AGPAT3: variants seen among roughly 807,000 people sequenced by gnomAD.
The protein encoded by AGPAT3 is 1-acyl-sn-glycerol-3-phosphate acyltransferase gamma.
In AGPAT3, 5 loss-of-function variants were observed where a neutral mutation model predicts 47.3. That is an observed-to-expected ratio of 0.11 (90% CI 0.06 to 0.22). The LOEUF (loss-of-function observed/expected upper bound fraction) is 0.22, where lower values mean the gene tolerates loss of function less well. AGPAT3 is among the 10% of genes least tolerant of loss of function. The probability of loss-of-function intolerance (pLI) is 1.00; values close to 1 mark genes in which losing one functional copy is unlikely to be tolerated. For synonymous variants in AGPAT3, 212 were observed against 208.3 expected, an observed-to-expected ratio of 1.02 and a Z score of -0.15; for missense variants, 315 against 493.0, an observed-to-expected ratio of 0.64 and a Z score of 3.42.
intron 7 of AGPAT3, among the ~76,000 whole-genome samples, chr21:43,972,602 T>C (rs1601464988): frequency 6.6e-6 from 1 of 152,100 alleles, no homozygotes; most frequent in Non-Finnish European, 1.5e-5. Flanking sequence ...CTTGGGGCAG[T>C]GTGTCTCTTT....
chr21:43,978,590 T>TGA (rs1432409151), intron 8 of AGPAT3, among the ~76,000 whole-genome samples: 1 of 152,348 alleles, frequency 6.6e-6, no homozygotes, highest in East Asian at 1.9e-4. Context: ...ATTACAGGCA[T>TGA]GAGCCACCAC....
Position 43,922,842 on chromosome 21 carries a change from T to A in AGPAT3, c.-49+18823T>A, listed in dbSNP as rs919469971. ...GGGCTGCCATGAGGATTGGCTGCAT[T>A]TTTTCGCTGTGTGATGTGACTGGCT... On this transcript the variant is annotated intron_variant, in intron 2 of 9. Coordinates refer to ENST00000291572, the MANE Select transcript of AGPAT3 (RefSeq NM_020132.5). This position sits in a 1 kb window ranked among gnomAD's most constrained non-coding sequence, Gnocchi z 4.9. 6.6e-6 allele frequency among the ~76,000 whole-genome samples: 1 copy of A among 152,118 alleles called. No individual in the cohort carries two copies. Among genetic ancestry groups the A allele is most frequent in the Non-Finnish European group, 1.5e-5 (1 of 68,010 alleles).
intron 2 of AGPAT3, among the ~76,000 whole-genome samples, chr21:43,912,139 G>A (rs962458408): frequency 1.6e-4 from 25 of 152,242 alleles, no homozygotes; most frequent in African/African-American, 5.8e-4. Flanking sequence ...ACACTTCCAT[G>A]TGAATTGGAA....
chr21:43,982,579 A>G lies in AGPAT3; in HGVS notation c.*187A>G. ...TGTCAGGTGAAGTCTTCAGCCTCCC[A>G]CAGCGCAGGGTCCCAGCATCTCCAC... On this transcript the variant is annotated 3_prime_UTR_variant, in exon 10 of 10. Coordinates refer to ENST00000291572, the MANE Select transcript of AGPAT3 (RefSeq NM_020132.5). This position sits in a 1 kb window ranked among gnomAD's most constrained non-coding sequence, Gnocchi z 6.2. The G allele has an allele frequency of 3.9e-6, 2 of 511,498 alleles. No homozygotes were observed. The highest frequency in any genetic ancestry group is 3.5e-6 in the Non-Finnish European group (1 of 286,716). 31.7% of individuals were successfully genotyped at this position (511,498 alleles called of 1,614,324 possible).
chr21:43,981,227 C>A lies in AGPAT3; in HGVS notation c.1042+40C>A, dbSNP rs1172114990. On this transcript the variant is annotated intron_variant, in intron 9 of 9. Transcript: ENST00000291572. The surrounding 1 kb of genome is among the most constrained non-coding windows in gnomAD (Gnocchi z 5.3). ...CGCTAACAGCTCACACTCTGACGGG[C>A]CTCACAGTATCAGCCACAGGGTCCG... 6.2e-7 allele frequency: 1 copy of A among 1,602,968 alleles called. No individual in the cohort carries two copies. The highest frequency in any genetic ancestry group is 8.5e-7 in the Non-Finnish European group (1 of 1,170,282).
chr21:43,886,773 A>G (rs1236267944), intron 1 of AGPAT3, among the ~76,000 whole-genome samples: 3 of 152,204 alleles, frequency 2.0e-5, no homozygotes, highest in African/African-American at 2.4e-5. Context: ...CAAATGACAG[A>G]ACCTCATTCT....
chr21:43,935,138 G>A lies in AGPAT3; in HGVS notation c.-48-24496G>A, dbSNP rs181275440. Reference sequence around the variant, plus strand: ...CGTGAGGAAGCAGTGGGGAGCACCTGGCAATTCTGGAGAGCTCAGCCAAGT... The same window carrying A: ...CGTGAGGAAGCAGTGGGGAGCACCTAGCAATTCTGGAGAGCTCAGCCAAGT... On this transcript the variant is annotated intron_variant, in intron 2 of 9. Coordinates refer to ENST00000291572, the MANE Select transcript of AGPAT3 (RefSeq NM_020132.5). 2.5e-3 allele frequency among the ~76,000 whole-genome samples: 385 copies of A among 152,380 alleles called. 1 individual carries two copies. Among genetic ancestry groups the A allele is most frequent in the Middle Eastern group, 6.8e-3 (2 of 294 alleles).
intron 1 of AGPAT3, among the ~76,000 whole-genome samples, chr21:43,872,471 G>A (rs1484346081): frequency 6.6e-6 from 1 of 152,138 alleles, no homozygotes; most frequent in Non-Finnish European, 1.5e-5. Context: ...GTGAGCCACC[G>A]CGCCGGCCGT....
chr21:43,975,415 G>T (rs1402456174), intron 7 of AGPAT3, among the ~76,000 whole-genome samples: 3 of 152,002 alleles, frequency 2.0e-5, no homozygotes. Context: ...GTGGGTGCTG[G>T]TGTATGACGC....
intron 3 of AGPAT3, among the ~76,000 whole-genome samples, chr21:43,960,092 G>A (rs57564710): frequency 6.6e-6 from 1 of 152,158 alleles, no homozygotes; most frequent in Non-Finnish European, 1.5e-5. Flanking sequence ...AGCTTCCCAC[G>A]GTTTACCAGA....
rs1163111808 is a variant in AGPAT3 at position 43,971,461 on chromosome 21, G to A, written c.738G>A (p.Gly246=). The change falls in exon 7 of 10, where the codon GGG becomes GGA. Residue 246 remains glycine (G), a synonymous_variant. Coordinates refer to ENST00000291572, the MANE Select transcript of AGPAT3 (RefSeq NM_020132.5). ...KNPSLLGILY[G]KKYEADMCVR... is the part of the protein sequence containing the mutation. ...CGTCCCTGCTGGGGATCCTCTACGG[G>A]AAGAAGTACGAGGCGGACATGTGCG... The A allele has an allele frequency of 1.2e-5, 20 of 1,614,100 alleles. No homozygotes were observed. The highest frequency in any genetic ancestry group is 1.6e-5 in the Non-Finnish European group (19 of 1,180,044).
Position 43,882,800 on chromosome 21 carries a change from G to A in AGPAT3, c.-112+17455G>A, listed in dbSNP as rs2085881979. Among the ~76,000 whole-genome samples, 4 of 152,222 alleles carry A rather than the reference G, an allele frequency of 2.6e-5. No individual in the cohort carries two copies. In the South Asian group the frequency reaches 8.3e-4, roughly 31 times the overall value. On this transcript the variant is annotated intron_variant, in intron 1 of 9. Coordinates refer to ENST00000291572, the MANE Select transcript of AGPAT3 (RefSeq NM_020132.5). Reference sequence around the variant, plus strand: ...AGCCACGGGTGCCCTGGTCTTGGGGGGTGGTGCCCCTGGGTGGGGCTTAAG... The same window carrying A: ...AGCCACGGGTGCCCTGGTCTTGGGGAGTGGTGCCCCTGGGTGGGGCTTAAG...
At chr21:43,960,708 G>A (rs984305494) in intron 3 of AGPAT3, 47 of 985,184 alleles carry the variant, frequency 4.8e-5, no homozygotes, top group East Asian at 1.1e-4. Flanking sequence ...GACCCTCTGC[G>A]GCCATCATGG....
In AGPAT3 at chr21:43,867,674, A is replaced by G. The variant is rs1222025673; in HGVS notation, c.-112+2329A>G. On this transcript the variant is annotated intron_variant, in intron 1 of 9. Coordinates refer to ENST00000291572, the MANE Select transcript of AGPAT3 (RefSeq NM_020132.5). Reference sequence around the variant, plus strand: ...AAAACTCTTGTGATGTCCCTGTTATAAGGTATCGCCGGTGGACTGGTGTTT... The same window carrying G: ...AAAACTCTTGTGATGTCCCTGTTATGAGGTATCGCCGGTGGACTGGTGTTT... 2.6e-5 allele frequency: 4 copies of G among 152,220 alleles called. No individual in the cohort carries two copies. In the East Asian group the frequency reaches 5.8e-4, roughly 22 times the overall value. 9.4% of individuals were successfully genotyped at this position (152,220 alleles called of 1,614,324 possible). A position where few individuals can be genotyped will look rare whatever the true frequency, so the allele number is the denominator to read the frequency against.
At chr21:43,977,546 G>A (rs374656408) in intron 7 of AGPAT3, among the ~76,000 whole-genome samples, 2 of 152,358 alleles carry the variant, frequency 1.3e-5, no homozygotes, top group African/African-American at 4.8e-5. Flanking sequence ...CAGGGCGGAT[G>A]CCTGAGGAGA....
At chr21:43,897,472 T>G (rs1046468878) in intron 1 of AGPAT3, among the ~76,000 whole-genome samples, 3 of 143,408 alleles carry the variant, frequency 2.1e-5, no homozygotes, top group Non-Finnish European at 3.1e-5. Context: ...TCGCTGTCCC[T>G]TCGGAGCTGT....
Position 43,869,703 on chromosome 21 carries a change from C to G in AGPAT3, c.-112+4358C>G, listed in dbSNP as rs372615576. ...GCCAGCCCAGTGCCAAGTGGACCCCCAGGGTGGCCCTGCGTGAGTACCCGC... is the reference window on the plus strand; with the variant it reads ...GCCAGCCCAGTGCCAAGTGGACCCCGAGGGTGGCCCTGCGTGAGTACCCGC... On this transcript the variant is annotated intron_variant, in intron 1 of 9. Coordinates refer to ENST00000291572, the MANE Select transcript of AGPAT3 (RefSeq NM_020132.5). 7.9e-5 allele frequency among the ~76,000 whole-genome samples: 12 copies of G among 152,284 alleles called. 1 individual carries two copies. In the East Asian group the frequency reaches 1.9e-3, roughly 25 times the overall value.
intron 2 of AGPAT3, among the ~76,000 whole-genome samples, chr21:43,909,438 G>A (rs1043625930): frequency 2.0e-5 from 3 of 152,152 alleles, no homozygotes; most frequent in Admixed American, 6.5e-5. Context: ...TGGGACTACA[G>A]GCGCCTGCCA....
chr21:43,943,317 A>G (rs1601376479), intron 2 of AGPAT3, among the ~76,000 whole-genome samples: 1 of 152,006 alleles, frequency 6.6e-6, no homozygotes, highest in Admixed American at 6.5e-5. Flanking sequence ...CTCGTGATCC[A>G]CCTGCCTCGG....
Sources: gnomAD v4.1 joint callset for allele counts (sites outside exome capture counted in the v4.1 genomes callset) on GRCh38, gnomAD v4.1.1 for gene constraint, Gnocchi (gnomAD v3.1) non-coding constraint, MANE v1.5 for transcripts, NCBI Gene and HGNC (gene_info 2026-07-23, HGNC 2026-07-21) for gene names.